The following MEIS3 variants were observed in gnomAD, a reference collection of about 807,000 sequenced individuals.
The protein encoded by MEIS3 is Meis homeobox 3, also known as homeobox protein Meis3.
A neutral mutation model predicts 51.4 loss-of-function variants in MEIS3; 38 were observed. The observed-to-expected ratio is 0.74, with a 90% CI of 0.57 to 0.97. The LOEUF (loss-of-function observed/expected upper bound fraction) is 0.97, where lower values mean the gene tolerates loss of function less well. Ranked by LOEUF, MEIS3 falls within the 50% of genes least tolerant of loss-of-function variation. The pLI, the probability that MEIS3 is intolerant of heterozygous loss-of-function variation, is 0.00. For missense variants in MEIS3, 456 were observed against 502.6 expected (o/e 0.91, Z 0.89); for synonymous variants, 198 against 201.8 (o/e 0.98, Z 0.16).
intron 1 of MEIS3, 51 bp from the exon 2 acceptor site, chr19:47,417,401 CCCGAGA>C: frequency 6.2e-7 from 1 of 1,603,798 alleles, no homozygotes; most frequent in South Asian, 1.1e-5. Context: ...GGGTCAGCAC[CCCGAGA>C]CTCGGCTGAG....
upstream of MEIS3, among the ~76,000 whole-genome samples, chr19:47,421,363 C>T (rs1364473944): frequency 2.0e-5 from 3 of 152,160 alleles, no homozygotes; most frequent in Non-Finnish European, 4.4e-5. Context: ...ACCTGAGCAC[C>T]GACCACTGGG....
At chr19:47,414,623 TC>T in intron 6 of MEIS3, 93 bp downstream of exon 6, 1 of 1,422,510 alleles carries the variant, frequency 7.0e-7, no homozygotes, top group Non-Finnish European at 9.5e-7. Flanking sequence ...GACTGTGGCT[TC>T]GTCTGAGGCT....
chr19:47,419,198 G>T lies in MEIS3; in HGVS notation c.-117C>A. The T allele has an allele frequency of 1.4e-6, 1 of 718,382 alleles. No individual in the cohort carries two copies. The highest frequency in any genetic ancestry group is 1.9e-6 in the Non-Finnish European group (1 of 524,836). 44.5% of individuals were successfully genotyped at this position (718,382 alleles called of 1,614,324 possible). ...TGTTGACGCCAGGGGGTGGGCAGGA[G>T]GCCAGGCGCGCGCCCCCCCACCCCC... On this transcript the variant is annotated 5_prime_UTR_variant, in exon 1 of 13. Transcript: ENST00000558555.
intron 6 of MEIS3, among the ~76,000 whole-genome samples, chr19:47,414,362 C>T (rs1006159809): frequency 9.2e-5 from 14 of 152,022 alleles, no homozygotes; most frequent in Admixed American, 2.0e-4. Context: ...ATGCTGCTGT[C>T]GTATGGCTGG....
Position 47,406,928 on chromosome 19 carries a change from G to T in MEIS3, c.1038C>A (p.Gly346=). The T allele has an allele frequency of 6.3e-7, 1 of 1,579,232 alleles. No homozygotes were observed. ...CCACGTGTGGCTGCGTCTCGGTATA[G>T]CCCCCGATGGGCTGGCCCTCTGGGC... The part of the protein sequence containing the change: ...AFSPEGQPIG[G]YTETQPHVAV... Residue 346 remains glycine, a synonymous_variant, in exon 11 of 13, where the codon GGC becomes GGA. Transcript: ENST00000558555.
chr19:47,407,027 T>C lies in MEIS3; in HGVS notation c.994+52A>G, dbSNP rs573396016. The C allele has an allele frequency of 3.0e-5, 48 of 1,585,980 alleles. No homozygotes were observed. In the East Asian group the frequency reaches 8.8e-4, roughly 29 times the overall value. ...GCCCCAGGAAGCCCGGGACCCGGCT[T>C]TGACGCCCTCCTAAGAACCCCAGGC... On this transcript the variant is annotated intron_variant, in intron 10 of 12. Transcript: ENST00000558555.
At chr19:47,414,624 C>T (rs933360039) in intron 6 of MEIS3, 93 bp downstream of exon 6, 50 of 1,423,650 alleles carry the variant, frequency 3.5e-5, no homozygotes, top group South Asian at 8.1e-5. Context: ...ACTGTGGCTT[C>T]GTCTGAGGCT....
chr19:47,414,473 T>C (rs563214035), intron 6 of MEIS3, among the ~76,000 whole-genome samples: 1 of 152,172 alleles, frequency 6.6e-6, no homozygotes, highest in African/African-American at 2.4e-5. Context: ...CCTGTGTGGG[T>C]GTAGCTGAAT....
chr19:47,418,583 C>A lies in MEIS3; in HGVS notation c.12+487G>T, dbSNP rs537305907. 665 of 152,222 alleles carry A rather than the reference C, an allele frequency of 4.4e-3. 2 individuals are homozygous for A. Among genetic ancestry groups the A allele is most frequent in the Non-Finnish European group, 7.3e-3 (498 of 68,270 alleles). 9.4% of individuals were successfully genotyped at this position (152,222 alleles called of 1,614,324 possible). ...ACTCCTAGCCCTGGAGAGGCAGGGG[C>A]GGCTTGGAACAAAAGTAGAGCGAAG... On this transcript the variant is annotated intron_variant, in intron 1 of 12. Coordinates refer to ENST00000558555, the MANE Select transcript of MEIS3 (RefSeq NM_001301059.2).
intron 5 of MEIS3, 66 bp from the exon 6 acceptor site, chr19:47,414,932 G>A (rs1455094716): frequency 1.7e-6 from 2 of 1,206,666 alleles, no homozygotes; most frequent in East Asian, 5.0e-5. Context: ...CTCAGGGACG[G>A]GGGCGGCATT....
chr19:47,422,079 G>C (rs1007878893), upstream of MEIS3, among the ~76,000 whole-genome samples: 1 of 150,454 alleles, frequency 6.6e-6, no homozygotes, highest in East Asian at 2.0e-4. Flanking sequence ...CCCTCCGCCC[G>C]CTGGCCACGC....
intron 5 of MEIS3, 23 bp from the exon 6 acceptor site, chr19:47,414,889 G>T (rs768980256): frequency 1.3e-6 from 2 of 1,583,406 alleles, no homozygotes; most frequent in South Asian, 2.2e-5. Context: ...CGGGGTACTG[G>T]GGGGGGCCAC....
rs895863755 is a variant in MEIS3, at chr19:47,419,210, G to GC, written c.-130dup. 20 of 574,226 alleles carry GC rather than the reference G, an allele frequency of 3.5e-5. No individual in the cohort carries two copies. The highest frequency in any genetic ancestry group is 8.5e-5 in the South Asian group (1 of 11,734). 35.6% of individuals were successfully genotyped at this position (574,226 alleles called of 1,614,324 possible). ...GGGGTGGGCAGGAGGCCAGGCGCGC[G>GC]CCCCCCCACCCCCGCCGCCGTCAGC... is the stretch of plus-strand genomic sequence containing the variant. On this transcript the variant is annotated 5_prime_UTR_variant, in exon 1 of 13. Coordinates refer to ENST00000558555, the MANE Select transcript of MEIS3 (RefSeq NM_001301059.2).
intron 8 of MEIS3, among the ~76,000 whole-genome samples, chr19:47,408,064 CAA>C (rs1970937954): frequency 1.3e-5 from 2 of 152,310 alleles, no homozygotes; most frequent in Admixed American, 6.5e-5. Flanking sequence ...CTCGGCCTCC[CAA>C]AGTGTTGGGA....
chr19:47,412,737 T>A (rs1277577974), intron 6 of MEIS3, among the ~76,000 whole-genome samples: 1 of 152,014 alleles, frequency 6.6e-6, no homozygotes, highest in African/African-American at 2.4e-5. Flanking sequence ...AATTTTTTGT[T>A]TTTTTTATGT....
At chr19:47,414,602 G>A in intron 6 of MEIS3, 115 bp downstream of exon 6, 1 of 1,266,844 alleles carries the variant, frequency 7.9e-7, no homozygotes, top group Non-Finnish European at 1.1e-6. Context: ...TGCGTGCCCT[G>A]TGATCAGGCT....
intron 12 of MEIS3, chr19:47,406,240 G>C: frequency 2.1e-6 from 1 of 478,812 alleles, no homozygotes; most frequent in Non-Finnish European, 3.7e-6. Context: ...ATGGGTGAGT[G>C]AGTGGGTAGA....
At chr19:47,407,903 G>C (rs1157757325) in intron 8 of MEIS3, among the ~76,000 whole-genome samples, 4 of 152,196 alleles carry the variant, frequency 2.6e-5, no homozygotes, top group African/African-American at 9.6e-5. Context: ...CGCCTCCGGG[G>C]TTCAAGGGAT....
At chr19:47,421,156 C>G (rs906512795), upstream of MEIS3, among the ~76,000 whole-genome samples, 1 of 151,976 alleles carries the variant, frequency 6.6e-6, no homozygotes, top group Non-Finnish European at 1.5e-5. Context: ...CTTCCCTGCC[C>G]GGCTGAGTGG....
Sources: allele counts gnomAD v4.1 joint callset (sites outside exome capture counted in the v4.1 genomes callset), GRCh38; gene constraint gnomAD v4.1.1; transcripts MANE v1.5; gene names NCBI Gene and HGNC (gene_info 2026-07-23, HGNC 2026-07-21).